CHD8: variants seen among roughly 807,000 people sequenced by gnomAD.
The protein encoded by CHD8 is ATP-dependent chromatin remodeler CHD8.
A neutral mutation model predicts 279.2 loss-of-function variants in CHD8; 31 were observed. The observed-to-expected ratio is 0.11, with a 90% CI of 0.08 to 0.15. The LOEUF (loss-of-function observed/expected upper bound fraction) is 0.15. Ranked by LOEUF, CHD8 falls within the 10% of genes least tolerant of loss-of-function variation. The probability of loss-of-function intolerance (pLI) is 1.00; values close to 1 mark genes in which losing one functional copy is unlikely to be tolerated. For synonymous variants in CHD8, 1,081 were observed against 1,139.6 expected (o/e 0.95, Z 1.04); for missense variants, 2,146 against 3,230.5 (o/e 0.66, Z 8.14).
chr14:21,438,001 C>A (rs1463831976), intron 1 of CHD8, among the ~76,000 whole-genome samples: 1 of 152,110 alleles, frequency 6.6e-6, no homozygotes, highest in Non-Finnish European at 1.5e-5. Flanking sequence ...CACTCTAATT[C>A]CCAGTGAGAC....
Position 21,391,961 on chromosome 14 carries a change from CACCCACCCAAG to C in CHD8, c.6772-26_6772-16del. The C allele has an allele frequency of 6.4e-7, 1 of 1,557,816 alleles. No homozygotes were observed. Among genetic ancestry groups the C allele is most frequent in the Non-Finnish European group, 8.9e-7 (1 of 1,128,902 alleles). ...AATCCTTCCTCCTAGGAAGACAACC[CACCCACCCAAG>C]ACATCATATGGTACATGTTTTTCAA... On this transcript the variant is annotated splice_polypyrimidine_tract_variant and intron_variant, in intron 34 of 37. Coordinates refer to ENST00000646647, the MANE Select transcript of CHD8 (RefSeq NM_001170629.2).
chr14:21,395,515 A>G, intron 28 of CHD8, 163 bp from the exon 29 acceptor site: 1 of 610,356 alleles, frequency 1.6e-6, no homozygotes, highest in Non-Finnish European at 2.9e-6. Flanking sequence ...CAATCAACTA[A>G]AAGAACAAGA....
chr14:21,391,569 T>C lies in CHD8; in HGVS notation c.6959A>G (p.Lys2320Arg). The change falls in exon 36 of 38, where the codon AAG becomes AGG. Residue 2320 changes from lysine (K) to arginine (R), a missense_variant. Physicochemically the swap from Lys to Arg is conservative, Grantham distance 26. Transcript: ENST00000646647. ...DLETRIPVIN[K>R]VDGTLLVGED... ...ACCCACCAGCAAAGTACCATCCACC[T>C]TATTGATGACAGGGATCCGGGTCTC... is the stretch of plus-strand genomic sequence containing the variant. 6.2e-7 allele frequency: 1 copy of C among 1,613,552 alleles called. No homozygotes were observed. Among genetic ancestry groups the C allele is most frequent in the African/African-American group, 1.3e-5 (1 of 74,998 alleles).
In CHD8 at chr14:21,407,328, T is replaced by C. The variant is rs7147024; in HGVS notation, c.2731-296A>G. Among the ~76,000 whole-genome samples the C allele has an allele frequency of 0.81, 123,371 of 152,084 alleles. 51,319 individuals are homozygous for C. The highest frequency in any genetic ancestry group is 0.91 in the South Asian group (4,386 of 4,818). Reference sequence around the variant, plus strand: ...ATGTATCTCTGCCCCAGATCTTTTGTTGATTAACAATGAAATCCACAACTG... The same window carrying C: ...ATGTATCTCTGCCCCAGATCTTTTGCTGATTAACAATGAAATCCACAACTG... On this transcript the variant is annotated intron_variant, in intron 13 of 37. Coordinates refer to ENST00000646647, the MANE Select transcript of CHD8 (RefSeq NM_001170629.2).
At chr14:21,399,271 T>C in intron 26 of CHD8, 1 of 307,190 alleles carries the variant, frequency 3.3e-6, no homozygotes. Flanking sequence ...GTGTGATTAT[T>C]ATTAACAATA....
chr14:21,397,803 GAACA>G lies in CHD8; in HGVS notation c.5051+16_5051+19del, dbSNP rs768881151. 8 of 1,610,512 alleles carry G rather than the reference GAACA, an allele frequency of 5.0e-6. No individual in the cohort carries two copies. The South Asian group carries it at 7.7e-5, about 16-fold the overall frequency. ...CACGGCACAAGTTAGAGTTTTAAAA[GAACA>G]AATACTAATGCTTACCCTTCTACTA... On this transcript the variant is annotated intron_variant, in intron 27 of 37. Coordinates refer to ENST00000646647, the MANE Select transcript of CHD8 (RefSeq NM_001170629.2).
At position 21,431,877 on chromosome 14, in the gene CHD8, T is replaced by C; in HGVS notation, c.-215-19A>G. On this transcript the variant is annotated intron_variant, in intron 1 of 37. Transcript: ENST00000646647. ...GGAACTCCTGTTGTAGGAATACAAA[T>C]ACAAATGAAAAATAGGCAAAGTTGG... 6.4e-7 allele frequency: 1 copy of C among 1,573,860 alleles called. No homozygotes were observed. Among genetic ancestry groups the C allele is most frequent in the Non-Finnish European group, 8.7e-7 (1 of 1,143,434 alleles).
intron 5 of CHD8, among the ~76,000 whole-genome samples, chr14:21,420,864 G>A (rs1768497113): frequency 6.6e-6 from 1 of 151,972 alleles, no homozygotes. Flanking sequence ...CCAGGTTCAA[G>A]TGATCCTCCT....
intron 5 of CHD8, among the ~76,000 whole-genome samples, chr14:21,420,540 TAAAA>T (rs1888981049): frequency 6.6e-6 from 1 of 152,038 alleles, no homozygotes; most frequent in Non-Finnish European, 1.5e-5. Flanking sequence ...ATTTTCCTAA[TAAAA>T]AAGAAAGTAG....
At chr14:21,433,969 A>G (rs145172044) in intron 1 of CHD8, among the ~76,000 whole-genome samples, 1 of 151,792 alleles carries the variant, frequency 6.6e-6, no homozygotes, top group South Asian at 2.1e-4. Flanking sequence ...ATTATTTTTC[A>G]TTCTCTACTC....
At chr14:21,413,576 G>C (rs1315922603) in intron 9 of CHD8, 1 of 153,054 alleles carries the variant, frequency 6.5e-6, no homozygotes, top group Non-Finnish European at 1.5e-5. Flanking sequence ...TGTATTTTTA[G>C]TAGAGACGGG....
At chr14:21,447,234 TA>T (rs1890144517) in intron 1 of CHD8, among the ~76,000 whole-genome samples, 2 of 152,190 alleles carry the variant, frequency 1.3e-5, no homozygotes, top group African/African-American at 4.8e-5. Context: ...GCACTACACA[TA>T]AAAGACTGTT....
intron 1 of CHD8, among the ~76,000 whole-genome samples, chr14:21,439,126 C>CA (rs1297739113): frequency 6.0e-5 from 9 of 151,014 alleles, no homozygotes; most frequent in African/African-American, 2.2e-4. Flanking sequence ...AACAATGTCT[C>CA]AAAAAAGAAA....
chr14:21,412,602 C>T (rs1888550030), intron 10 of CHD8, among the ~76,000 whole-genome samples: 1 of 152,080 alleles, frequency 6.6e-6, no homozygotes, highest in South Asian at 2.1e-4. Context: ...ATCCCTTTCC[C>T]CTTCCCAACA....
intron 14 of CHD8, 57 bp downstream of exon 14, chr14:21,406,799 G>T (rs771869350): frequency 2.0e-5 from 29 of 1,459,038 alleles, no homozygotes; most frequent in Non-Finnish European, 2.6e-5. Flanking sequence ...TTTTAATACC[G>T]CAAGGAATTA....
At chr14:21,454,295 A>G (rs1890333123) in intron 1 of CHD8, among the ~76,000 whole-genome samples, 1 of 152,212 alleles carries the variant, frequency 6.6e-6, no homozygotes, top group Non-Finnish European at 1.5e-5. Flanking sequence ...AAGTACTCAT[A>G]CACTGTTCCA....
At chr14:21,442,128 C>T (rs1889992396) in intron 1 of CHD8, among the ~76,000 whole-genome samples, 1 of 152,188 alleles carries the variant, frequency 6.6e-6, no homozygotes, top group South Asian at 2.1e-4. Context: ...CAAAGAATTG[C>T]TTGAGCCCAG....
chr14:21,435,205 G>A (rs1438904484), intron 1 of CHD8, among the ~76,000 whole-genome samples: 1 of 152,192 alleles, frequency 6.6e-6, no homozygotes, highest in African/African-American at 2.4e-5. Context: ...ATCTTGGAGG[G>A]CATGTAGGGG....
Position 21,393,089 on chromosome 14 carries a change from A to G in CHD8, c.6468+17T>C, listed in dbSNP as rs995405775. 1 of 1,612,244 alleles carries G rather than the reference A, an allele frequency of 6.2e-7. No individual in the cohort carries two copies. The highest frequency in any genetic ancestry group is 1.3e-5 in the African/African-American group (1 of 74,882). On this transcript the variant is annotated intron_variant, in intron 33 of 37. Transcript: ENST00000646647. ...ATTTCTGGACTCTACATGTCCAGGG[A>G]TGAGGCTGTTTGTTACCTTGGGCCA...
Sources: gnomAD v4.1 joint callset for allele counts (sites outside exome capture counted in the v4.1 genomes callset) on GRCh38, gnomAD v4.1.1 for gene constraint, MANE v1.5 for transcripts, NCBI Gene and HGNC (gene_info 2026-07-23, HGNC 2026-07-21) for gene names.